Variants in TAFA1 observed in about 807,000 individuals in gnomAD.
The protein encoded by TAFA1 is TAFA chemokine like family member 1, also known as chemokine-like protein TAFA-1.
Under a neutral mutation model 18.5 loss-of-function variants are expected in TAFA1, and 4 were observed. That is an observed-to-expected ratio of 0.22 (90% CI 0.11 to 0.49). The LOEUF (loss-of-function observed/expected upper bound fraction) is 0.49, where lower values mean the gene tolerates loss of function less well. Among genes scored for constraint, TAFA1 ranks in the 20% least tolerant of loss-of-function variants. TAFA1 has a pLI of 0.98. For missense variants in TAFA1, 147 were observed against 169.0 expected (o/e 0.87, Z 0.72); for synonymous variants, 56 against 55.2 (o/e 1.01, Z -0.06).
chr3:68,509,350 G>C lies in TAFA1; in HGVS notation c.260-29406G>C, dbSNP rs112544157. On this transcript the variant is annotated intron_variant, in intron 3 of 4. Transcript: ENST00000478136. ...AGGTAGAGAAAAAAGCAGCTGTGGA[G>C]GTCATTGAAGGACACTGACAAGATT... Among the ~76,000 whole-genome samples the C allele has an allele frequency of 1.8e-3, 274 of 152,158 alleles. 1 individual carries two copies. Among genetic ancestry groups the C allele is most frequent in the African/African-American group, 6.0e-3 (251 of 41,544 alleles).
intron 2 of TAFA1, among the ~76,000 whole-genome samples, chr3:68,340,681 T>G (rs1359068862): frequency 1.3e-5 from 2 of 152,212 alleles, no homozygotes; most frequent in Admixed American, 6.5e-5. Flanking sequence ...CATTAGATTC[T>G]TGGAGGGATT....
chr3:68,086,983 C>A (rs559656479), intron 2 of TAFA1, among the ~76,000 whole-genome samples: 1 of 152,154 alleles, frequency 6.6e-6, no homozygotes, highest in African/African-American at 2.4e-5. Flanking sequence ...CCCTGCAAAT[C>A]CCAAGACAAT....
chr3:68,286,342 A>G (rs1174584572), intron 2 of TAFA1, among the ~76,000 whole-genome samples: 1 of 152,180 alleles, frequency 6.6e-6, no homozygotes, highest in Non-Finnish European at 1.5e-5. Context: ...GGGCTATCCA[A>G]GAGAAAACTG....
chr3:68,234,726 G>C (rs1033836218), intron 2 of TAFA1, among the ~76,000 whole-genome samples: 1 of 152,012 alleles, frequency 6.6e-6, no homozygotes, highest in Middle Eastern at 3.4e-3. Context: ...TTTTATTCTC[G>C]GCCTTGAGAA....
At chr3:68,297,260 T>C (rs2068224551) in intron 2 of TAFA1, among the ~76,000 whole-genome samples, 1 of 152,220 alleles carries the variant, frequency 6.6e-6, no homozygotes, top group Non-Finnish European at 1.5e-5. Flanking sequence ...TTAGGGTATT[T>C]CTCTTCATTG....
chr3:68,368,868 G>A (rs964174963), intron 2 of TAFA1, among the ~76,000 whole-genome samples: 1 of 152,174 alleles, frequency 6.6e-6, no homozygotes, highest in Non-Finnish European at 1.5e-5. Flanking sequence ...TGAATTCGTT[G>A]CTTATACCAG....
chr3:68,189,246 T>C (rs1488733051), intron 2 of TAFA1, among the ~76,000 whole-genome samples: 2 of 151,930 alleles, frequency 1.3e-5, no homozygotes, highest in African/African-American at 4.8e-5. Context: ...ACTTTCCATT[T>C]CATCCTTGGC....
intron 3 of TAFA1, among the ~76,000 whole-genome samples, chr3:68,465,584 G>A (rs1346986304): frequency 2.0e-5 from 3 of 152,172 alleles, no homozygotes; most frequent in African/African-American, 7.2e-5. Flanking sequence ...TTAAAGTCTA[G>A]ATGCAGATAT....
intron 2 of TAFA1, among the ~76,000 whole-genome samples, chr3:68,120,181 CTTTCTTTCTTTCTTTCTT>C (rs2065375542): frequency 5.7e-5 from 1 of 17,616 alleles, no homozygotes; most frequent in South Asian, 3.4e-3. Context: ...CTCTTTCTTT[CTTTCTTTCTTTCTTTCTT>C]TCTTTCTTTC....
chr3:68,320,825 C>G (rs550751898), intron 2 of TAFA1, among the ~76,000 whole-genome samples: 57 of 152,258 alleles, frequency 3.7e-4, no homozygotes, highest in African/African-American at 1.4e-3. Context: ...AGGCTGCACC[C>G]CAGAGGGAGC....
chr3:67,999,287 C>CTCTGTG (rs1297823499), upstream of TAFA1, among the ~76,000 whole-genome samples: 52 of 147,768 alleles, frequency 3.5e-4, no homozygotes, highest in African/African-American at 6.9e-4. Flanking sequence ...CCCCCTCTCT[C>CTCTGTG]TGTGTGTGTG....
At chr3:68,156,436 G>C (rs1194882422) in intron 2 of TAFA1, among the ~76,000 whole-genome samples, 2 of 152,072 alleles carry the variant, frequency 1.3e-5, no homozygotes, top group Non-Finnish European at 2.9e-5. Flanking sequence ...TTTCTCCTGG[G>C]TCTGCTTCTT....
chr3:68,322,920 G>A (rs1246144054), intron 2 of TAFA1, among the ~76,000 whole-genome samples: 1 of 152,034 alleles, frequency 6.6e-6, no homozygotes, highest in African/African-American at 2.4e-5. Flanking sequence ...TCCAGCCTGG[G>A]GGACAGAGCA....
chr3:68,526,936 T>C lies in TAFA1; in HGVS notation c.260-11820T>C, dbSNP rs77890513. On this transcript the variant is annotated intron_variant, in intron 3 of 4. Coordinates refer to ENST00000478136, the MANE Select transcript of TAFA1 (RefSeq NM_213609.4). ...ATTTGTTCTTCAACAAAATTGCAAATTACTATCCACTGTAAATAAACTTTA... is the reference window on the plus strand; with the variant it reads ...ATTTGTTCTTCAACAAAATTGCAAACTACTATCCACTGTAAATAAACTTTA... Among the ~76,000 whole-genome samples the C allele has an allele frequency of 4.9e-3, 747 of 152,234 alleles. 4 individuals are homozygous for C. Among genetic ancestry groups the C allele is most frequent in the African/African-American group, 0.017 (706 of 41,564 alleles).
rs2071779873 is a variant in TAFA1, at chr3:68,461,436, A to T, written c.259+44016A>T. On this transcript the variant is annotated intron_variant, in intron 3 of 4. Transcript: ENST00000478136. Reference sequence around the variant, plus strand: ...GATTTTTAGCTAGTTGGACCTGGCTATGTGATCCAATTATTTTTCCCCTAC... The same window carrying T: ...GATTTTTAGCTAGTTGGACCTGGCTTTGTGATCCAATTATTTTTCCCCTAC... Among the ~76,000 whole-genome samples the T allele has an allele frequency of 2.0e-5, 3 of 147,672 alleles. No homozygotes were observed. The South Asian group carries it at 6.5e-4, about 32-fold the overall frequency.
intron 2 of TAFA1, among the ~76,000 whole-genome samples, chr3:68,038,668 T>TA (rs113213274): frequency 0.022 from 3,208 of 145,058 alleles, 111 homozygotes; most frequent in African/African-American, 0.068. Context: ...AAGCTATTGT[T>TA]AAAAAAAAAA....
intron 2 of TAFA1, among the ~76,000 whole-genome samples, chr3:68,295,136 G>A (rs1418618536): frequency 1.3e-5 from 2 of 151,700 alleles, no homozygotes; most frequent in Non-Finnish European, 2.9e-5. Flanking sequence ...ATAATGTGAA[G>A]GGAAAGGGCC....
intron 2 of TAFA1, among the ~76,000 whole-genome samples, chr3:68,032,309 A>G (rs1011637186): frequency 6.6e-6 from 1 of 152,112 alleles, no homozygotes; most frequent in Non-Finnish European, 1.5e-5. Flanking sequence ...AAAATTATCA[A>G]ATGTTGGTAT....
intron 3 of TAFA1, among the ~76,000 whole-genome samples, chr3:68,515,062 C>T (rs1448803863): frequency 6.6e-6 from 1 of 152,072 alleles, no homozygotes; most frequent in African/African-American, 2.4e-5. Context: ...TTCAAAATGG[C>T]TCATTTACCT....
Sources: gnomAD v4.1 joint callset for allele counts (sites outside exome capture counted in the v4.1 genomes callset) on GRCh38, gnomAD v4.1.1 for gene constraint, MANE v1.5 for transcripts, NCBI Gene and HGNC (gene_info 2026-07-23, HGNC 2026-07-21) for gene names.